Variants in ZNF407 observed in about 807,000 individuals in gnomAD.
The protein encoded by ZNF407 is zinc finger protein 407.
A neutral mutation model predicts 131.2 loss-of-function variants in ZNF407; 17 were observed. The observed-to-expected ratio is 0.13, with a 90% CI of 0.09 to 0.19. ZNF407 has a LOEUF of 0.19. Ranked by LOEUF, ZNF407 falls within the 10% of genes least tolerant of loss-of-function variation. The pLI, the probability that ZNF407 is intolerant of heterozygous loss-of-function variation, is 1.00. For missense variants in ZNF407, 2,681 were observed against 2,830.6 expected (o/e 0.95, Z 1.20); for synonymous variants, 1,156 against 1,062.0 (o/e 1.09, Z -1.72).
intron 8 of ZNF407, among the ~76,000 whole-genome samples, chr18:75,032,153 C>T (rs1973248298): frequency 6.6e-6 from 1 of 152,202 alleles, no homozygotes; most frequent in Non-Finnish European, 1.5e-5. Flanking sequence ...TTCTGGTTCC[C>T]CTGCCACACT....
chr18:74,770,396 CA>C (rs1443363101), intron 3 of ZNF407, among the ~76,000 whole-genome samples: 1 of 151,698 alleles, frequency 6.6e-6, no homozygotes, highest in South Asian at 2.1e-4. Flanking sequence ...GTCCCTGTCT[CA>C]AAAAAATAAC....
At chr18:74,611,251 G>T (rs565543564) in intron 1 of ZNF407, among the ~76,000 whole-genome samples, 74 of 152,256 alleles carry the variant, frequency 4.9e-4, no homozygotes, top group African/African-American at 1.7e-3. Flanking sequence ...GATCACAGAG[G>T]GTGCAGACCA....
At chr18:74,707,446 T>G (rs1967652859) in intron 3 of ZNF407, among the ~76,000 whole-genome samples, 1 of 152,166 alleles carries the variant, frequency 6.6e-6, no homozygotes, top group East Asian at 1.9e-4. Flanking sequence ...TTTTTTGAAT[T>G]TTTGATTATT....
intron 8 of ZNF407, among the ~76,000 whole-genome samples, chr18:74,963,222 G>T (rs1972369481): frequency 1.4e-5 from 2 of 139,082 alleles, no homozygotes; most frequent in East Asian, 2.2e-4. Flanking sequence ...GTTATGCATT[G>T]CCTTTAAATA....
chr18:74,799,740 A>T (rs1249369445), intron 4 of ZNF407, among the ~76,000 whole-genome samples: 1 of 152,056 alleles, frequency 6.6e-6, no homozygotes, highest in African/African-American at 2.4e-5. Flanking sequence ...ATTTGCACAC[A>T]TATGCATACT....
chr18:74,806,094 A>G (rs578113900), intron 4 of ZNF407, among the ~76,000 whole-genome samples: 125 of 152,344 alleles, frequency 8.2e-4, no homozygotes, highest in African/African-American at 2.9e-3. Context: ...CTAAACGAGT[A>G]AGATTATACT....
chr18:75,003,608 C>G (rs1049824176), intron 8 of ZNF407, among the ~76,000 whole-genome samples: 3 of 152,140 alleles, frequency 2.0e-5, no homozygotes, highest in African/African-American at 7.2e-5. Flanking sequence ...TTAATTTAAG[C>G]ATTCCAGGAA....
At chr18:74,676,649 T>C (rs936755211) in intron 3 of ZNF407, among the ~76,000 whole-genome samples, 4 of 152,034 alleles carry the variant, frequency 2.6e-5, no homozygotes, top group South Asian at 2.1e-4. Context: ...TTAGCCAGGA[T>C]GGTCTCGATC....
rs759393672 is a variant in ZNF407, at chr18:74,632,953, A to G, written c.1934A>G (p.Gln645Arg). Residue 645 changes from glutamine to arginine, a missense_variant, in exon 2 of 9, where the codon CAA becomes CGA. Physicochemically the swap from Gln to Arg is conservative, Grantham distance 43 (BLOSUM62 1). Coordinates refer to ENST00000299687, the MANE Select transcript of ZNF407 (RefSeq NM_017757.3). ...ATEKHINSLV[Q>R]PKTLQSSNSD... ...GAGAAGCATATTAATTCATTGGTTC[A>G]ACCAAAGACTTTGCAATCATCTAAC... 1.4e-5 allele frequency: 23 copies of G among 1,613,124 alleles called. No individual in the cohort carries two copies. Among genetic ancestry groups the G allele is most frequent in the Non-Finnish European group, 1.6e-5 (19 of 1,179,682 alleles).
intron 3 of ZNF407, among the ~76,000 whole-genome samples, chr18:74,645,152 GAACATATTTGTATAAT>G (rs1984910966): frequency 6.6e-6 from 1 of 152,012 alleles, no homozygotes; most frequent in South Asian, 2.1e-4. Flanking sequence ...GTTACAAACT[GAACATATTTGTATAAT>G]AGCAGGAGGT....
At chr18:74,979,433 A>G (rs1312417272) in intron 8 of ZNF407, among the ~76,000 whole-genome samples, 1 of 152,126 alleles carries the variant, frequency 6.6e-6, no homozygotes, top group Non-Finnish European at 1.5e-5. Context: ...CTGGGATTAC[A>G]GGCATGCACC....
At chr18:75,037,363 C>A (rs1402082011) in intron 8 of ZNF407, among the ~76,000 whole-genome samples, 1 of 152,098 alleles carries the variant, frequency 6.6e-6, no homozygotes, top group Non-Finnish European at 1.5e-5. Flanking sequence ...TTTTCTTAAT[C>A]ACACACCCCT....
At chr18:74,866,987 GA>G (rs35418996) in intron 4 of ZNF407, among the ~76,000 whole-genome samples, 1,360 of 62,784 alleles carry the variant, frequency 0.022, 5 homozygotes, top group Middle Eastern at 0.049. Context: ...GTGTCTACCC[GA>G]AAAAAAAAAA....
At chr18:74,675,559 G>A (rs1469203337) in intron 3 of ZNF407, among the ~76,000 whole-genome samples, 1 of 152,216 alleles carries the variant, frequency 6.6e-6, no homozygotes, top group Middle Eastern at 3.2e-3. Flanking sequence ...ATAAAGCAGA[G>A]TATTGTAAGA....
At chr18:74,738,644 C>T (rs1471180640) in intron 3 of ZNF407, among the ~76,000 whole-genome samples, 1 of 151,834 alleles carries the variant, frequency 6.6e-6, no homozygotes, top group Non-Finnish European at 1.5e-5. Flanking sequence ...GAGGCTGGGG[C>T]AGGAGAATCG....
intron 8 of ZNF407, among the ~76,000 whole-genome samples, chr18:75,024,342 A>G (rs1973146876): frequency 6.6e-6 from 1 of 152,164 alleles, no homozygotes; most frequent in South Asian, 2.1e-4. Flanking sequence ...TTCATTATGT[A>G]ATCCTATCCT....
chr18:75,020,332 G>C (rs1377126512), intron 8 of ZNF407, among the ~76,000 whole-genome samples: 4 of 151,544 alleles, frequency 2.6e-5, no homozygotes, highest in African/African-American at 9.7e-5. Flanking sequence ...GTGTGTGTGT[G>C]TGTGTGTGTA....
In ZNF407 at chr18:75,008,319, G is replaced by A. The variant is rs112790743; in HGVS notation, c.5429-54831G>A. ...TGGGCTCATGATGAATCATTATACAGATGATTCCAAATCACAGCTGTGAAG... is the reference window on the plus strand; with the variant it reads ...TGGGCTCATGATGAATCATTATACAAATGATTCCAAATCACAGCTGTGAAG... On this transcript the variant is annotated intron_variant, in intron 8 of 8. Transcript: ENST00000299687. 1.4e-3 allele frequency among the ~76,000 whole-genome samples: 216 copies of A among 152,296 alleles called. 1 individual carries two copies. The highest frequency in any genetic ancestry group is 4.9e-3 in the African/African-American group (205 of 41,564).
chr18:74,657,086 T>G (rs1305665966), intron 3 of ZNF407, among the ~76,000 whole-genome samples: 57 of 149,844 alleles, frequency 3.8e-4, no homozygotes, highest in Admixed American at 6.6e-4. Flanking sequence ...GAACTAGTTT[T>G]TTTTTTTTTT....
Sources: gnomAD v4.1 joint callset for allele counts (sites outside exome capture counted in the v4.1 genomes callset) on GRCh38, gnomAD v4.1.1 for gene constraint, MANE v1.5 for transcripts, NCBI Gene and HGNC (gene_info 2026-07-23, HGNC 2026-07-21) for gene names.